The following PPIG variants were observed in gnomAD, a reference collection of about 807,000 sequenced individuals.
PPIG encodes peptidylprolyl isomerase G.
Under a neutral mutation model 87.9 loss-of-function variants are expected in PPIG, and 26 were observed. The observed-to-expected ratio is 0.30, with a 90% CI of 0.22 to 0.41. The LOEUF (loss-of-function observed/expected upper bound fraction) is 0.41. PPIG is among the 10% of genes least tolerant of loss of function. PPIG has a pLI of 1.00. For missense variants in PPIG, 722 were observed against 879.4 expected (o/e 0.82, Z 2.26); for synonymous variants, 308 against 276.5 (o/e 1.11, Z -1.13).
chr2:169,630,884 G>A lies in PPIG; in HGVS notation c.658G>A (p.Glu220Lys), dbSNP rs1186817068. The A allele has an allele frequency of 8.7e-6, 14 of 1,612,042 alleles. No individual in the cohort carries two copies. Among genetic ancestry groups the A allele is most frequent in the East Asian group, 4.5e-5 (2 of 44,800 alleles). ...SQSSSDSSDS[E>K]SATEEKSKKR... ...GTCCTCTTCTGATTCCTCTGATTCC[G>A]AAAGTGCTACTGAAGAGAAATCAAA... is the stretch of plus-strand genomic sequence containing the variant. The change falls in exon 10 of 14, where the codon GAA becomes AAA. Residue 220 changes from glutamate (E) to lysine (K), a missense_variant. Glu to Lys is a moderately conservative substitution (Grantham distance 56). Coordinates refer to ENST00000260970, the MANE Select transcript of PPIG (RefSeq NM_004792.3).
chr2:169,618,174 G>A (rs1685651298), intron 9 of PPIG, among the ~76,000 whole-genome samples: 2 of 152,126 alleles, frequency 1.3e-5, no homozygotes, highest in African/African-American at 4.8e-5. Context: ...TATGTATGTT[G>A]AACCATTCTT....
chr2:169,596,303 T>C (rs1164200853), intron 1 of PPIG, among the ~76,000 whole-genome samples: 10 of 141,484 alleles, frequency 7.1e-5, no homozygotes, highest in South Asian at 4.5e-4. Flanking sequence ...TGGGGTTTCA[T>C]CATGTTGGCC....
At chr2:169,588,536 A>AT (rs1263426525) in intron 1 of PPIG, among the ~76,000 whole-genome samples, 3 of 152,096 alleles carry the variant, frequency 2.0e-5, no homozygotes, top group Admixed American at 6.6e-5. Context: ...AAATGTTCTT[A>AT]TTTTTTTACG....
Position 169,637,130 on chromosome 2 carries a change from G to A in PPIG, c.1872G>A (p.Arg624=). Residue 624 remains arginine, a synonymous_variant, in exon 14 of 14, where the codon AGG becomes AGA. Coordinates refer to ENST00000260970, the MANE Select transcript of PPIG (RefSeq NM_004792.3). ...CAAGAAGTAAAGATAGGAGGAGAAG[G>A]AGGAGAGACTCACGGAGCTCAGAGA... The part of the protein sequence containing the change: ...GRSRSKDRRR[R]RRDSRSSERE... 1 of 1,612,472 alleles carries A rather than the reference G, an allele frequency of 6.2e-7. No individual in the cohort carries two copies. Among genetic ancestry groups the A allele is most frequent in the East Asian group, 2.2e-5 (1 of 44,796 alleles).
chr2:169,629,968 C>T (rs2105517480), intron 9 of PPIG, among the ~76,000 whole-genome samples: 1 of 152,154 alleles, frequency 6.6e-6, no homozygotes, highest in South Asian at 2.1e-4. Flanking sequence ...ATGTATATAT[C>T]AATATTGTCC....
rs1366663662 is a variant in PPIG, at chr2:169,638,287, T to C, written c.*764T>C. ...GTGATTCTCAGTTCTGTGTTGCTTT[T>C]GGTTTGAAGAGTTTTGGGAACGTTT... On this transcript the variant is annotated 3_prime_UTR_variant, in exon 14 of 14. Transcript: ENST00000260970. 1 of 151,960 alleles carries C rather than the reference T, an allele frequency of 6.6e-6. No homozygotes were observed. Among genetic ancestry groups the C allele is most frequent in the African/African-American group, 2.4e-5 (1 of 41,384 alleles). 9.4% of individuals were successfully genotyped at this position (151,960 alleles called of 1,614,324 possible).
At chr2:169,633,326 T>A in intron 12 of PPIG, 79 bp downstream of exon 12, 6 of 1,154,320 alleles carry the variant, frequency 5.2e-6, no homozygotes, top group Non-Finnish European at 7.7e-6. Flanking sequence ...TTCTTAAATA[T>A]TATTTTAATG....
At chr2:169,612,145 A>G (rs1558893342) in intron 7 of PPIG, among the ~76,000 whole-genome samples, 1 of 151,934 alleles carries the variant, frequency 6.6e-6, no homozygotes, top group African/African-American at 2.4e-5. Flanking sequence ...CTAGTGAGTC[A>G]TGTGTATTCA....
chr2:169,637,765 CTG>C lies in PPIG; in HGVS notation c.*246_*247del, dbSNP rs1686223336. On this transcript the variant is annotated 3_prime_UTR_variant, in exon 14 of 14. Coordinates refer to ENST00000260970, the MANE Select transcript of PPIG (RefSeq NM_004792.3). ...AAACACTTTGGTGTAGTACTGTGTG[CTG>C]TGTTTAACTATTTTATGTATGCATT... is the stretch of plus-strand genomic sequence containing the variant. 2 of 333,368 alleles carry C rather than the reference CTG, an allele frequency of 6.0e-6. No individual in the cohort carries two copies. The highest frequency in any genetic ancestry group is 4.6e-5 in the Admixed American group (1 of 21,920). 20.7% of individuals were successfully genotyped at this position (333,368 alleles called of 1,614,324 possible).
At chr2:169,606,591 C>CAAAAAAAAAAAAAAAAAAAAAAAAAAAAA (rs71006009) in intron 5 of PPIG, among the ~76,000 whole-genome samples, 10 of 85,016 alleles carry the variant, frequency 1.2e-4, no homozygotes, top group East Asian at 8.1e-4. Context: ...GACTCTGTCT[C>CAAAAAAAAAAAAAAAAAAAAAAAAAAAAA]AAAAAAAAAA....
chr2:169,620,091 C>A (rs971372226), intron 9 of PPIG, among the ~76,000 whole-genome samples: 10 of 151,824 alleles, frequency 6.6e-5, no homozygotes, highest in African/African-American at 2.4e-4. Context: ...TGATGTTATC[C>A]CATTTGTCTT....
At chr2:169,633,607 T>C (rs1686113344) in intron 12 of PPIG, 1 of 288,902 alleles carries the variant, frequency 3.5e-6, no homozygotes, top group Non-Finnish European at 6.3e-6. Flanking sequence ...CTCATCAGAA[T>C]TTAAATATCT....
At chr2:169,609,985 T>G (rs1685441720) in intron 7 of PPIG, among the ~76,000 whole-genome samples, 1 of 152,228 alleles carries the variant, frequency 6.6e-6, no homozygotes, top group Non-Finnish European at 1.5e-5. Flanking sequence ...AACCTCCAAA[T>G]GCTAAGGATT....
At chr2:169,626,645 C>A (rs1467305466) in intron 9 of PPIG, among the ~76,000 whole-genome samples, 1 of 150,404 alleles carries the variant, frequency 6.6e-6, no homozygotes, top group African/African-American at 2.5e-5. Flanking sequence ...CTGCTTTGGC[C>A]TTCCAAAGTG....
chr2:169,589,398 G>A (rs1003431670), intron 1 of PPIG, among the ~76,000 whole-genome samples: 8 of 152,018 alleles, frequency 5.3e-5, no homozygotes, highest in African/African-American at 1.4e-4. Flanking sequence ...TTTTTGATGC[G>A]GTGCATTTTC....
chr2:169,605,132 G>A (rs1685288332), intron 4 of PPIG, among the ~76,000 whole-genome samples: 1 of 152,172 alleles, frequency 6.6e-6, no homozygotes, highest in African/African-American at 2.4e-5. Flanking sequence ...TCAGGAGCTT[G>A]AGACCAGCCT....
rs538507881 is a variant in PPIG at position 169,595,022 on chromosome 2, G to A, written c.-69-8620G>A. Among the ~76,000 whole-genome samples the A allele has an allele frequency of 7.2e-4, 109 of 152,120 alleles. 2 individuals carry two copies. The South Asian group carries it at 0.021, about 30-fold the overall frequency. On this transcript the variant is annotated intron_variant, in intron 1 of 13. Transcript: ENST00000260970. ...CAGCTCACTACAACCTCCGCCTCCC[G>A]GGTTCAAGCGATTCTCCTGCCTCAG...
intron 7 of PPIG, among the ~76,000 whole-genome samples, chr2:169,611,513 A>G (rs1038185601): frequency 1.3e-5 from 2 of 152,182 alleles, no homozygotes; most frequent in African/African-American, 4.8e-5. Context: ...TGTTGTGCCT[A>G]TCATTTGATG....
In PPIG at chr2:169,606,162, A is replaced by G. The variant is rs1685318531; in HGVS notation, c.244+16A>G. On this transcript the variant is annotated intron_variant, in intron 5 of 13. Coordinates refer to ENST00000260970, the MANE Select transcript of PPIG (RefSeq NM_004792.3). ...TTCAGTGAAGGTGAGACTTGGAAAA[A>G]TCATGTATTATTTTCTGTTAAATAT... 2 of 1,527,108 alleles carry G rather than the reference A, an allele frequency of 1.3e-6. No homozygotes were observed. The highest frequency in any genetic ancestry group is 1.8e-6 in the Non-Finnish European group (2 of 1,101,354). 94.6% of individuals were successfully genotyped at this position (1,527,108 alleles called of 1,614,324 possible).
Sources: allele counts gnomAD v4.1 joint callset (sites outside exome capture counted in the v4.1 genomes callset), GRCh38; gene constraint gnomAD v4.1.1; transcripts MANE v1.5; gene names NCBI Gene and HGNC (gene_info 2026-07-23, HGNC 2026-07-21).